Variants in CEP152 observed in about 807,000 individuals in gnomAD.
CEP152 encodes the protein centrosomal protein of 152 kDa.
In CEP152, 132 loss-of-function variants were observed where a neutral mutation model predicts 188.9. The ratio of observed to expected loss-of-function variants is 0.70; its 90% CI spans 0.61 to 0.81. CEP152 has a LOEUF of 0.81. Ranked by LOEUF, CEP152 falls within the 30% of genes least tolerant of loss-of-function variation. CEP152 has a pLI of 0.00. For missense variants in CEP152, 1,914 were observed against 1,969.8 expected, an observed-to-expected ratio of 0.97 and a Z score of 0.54; for synonymous variants, 649 against 666.6, an observed-to-expected ratio of 0.97 and a Z score of 0.41.
chr15:48,788,124 C>T (rs921927961), intron 9 of CEP152, among the ~76,000 whole-genome samples: 4 of 152,182 alleles, frequency 2.6e-5, no homozygotes, highest in Non-Finnish European at 5.9e-5. Context: ...AAGGTAACCT[C>T]TCAAGTTCTA....
At chr15:48,805,302 A>G (rs1897906030) in intron 2 of CEP152, among the ~76,000 whole-genome samples, 1 of 152,052 alleles carries the variant, frequency 6.6e-6, no homozygotes. Context: ...GCCAACCATT[A>G]CCTCCTAAAT....
chr15:48,803,619 TG>T (rs1897808398), intron 2 of CEP152, among the ~76,000 whole-genome samples: 1 of 152,202 alleles, frequency 6.6e-6, no homozygotes, highest in Non-Finnish European at 1.5e-5. Context: ...CTTAGATACT[TG>T]ATCTTTCAAG....
intron 5 of CEP152, 132 bp from the exon 6 acceptor site, chr15:48,796,292 A>G (rs994035370): frequency 1.2e-4 from 11 of 91,580 alleles, no homozygotes; most frequent in African/African-American, 9.0e-4. Flanking sequence ...ATATATATAC[A>G]CACACACACA....
At chr15:48,762,990 A>T (rs1021162674) in intron 17 of CEP152, among the ~76,000 whole-genome samples, 15 of 85,844 alleles carry the variant, frequency 1.7e-4, no homozygotes, top group African/African-American at 1.4e-3. Context: ...GGCAGGATTT[A>T]AAAAAAAAAA....
intron 12 of CEP152, among the ~76,000 whole-genome samples, chr15:48,775,777 G>C (rs775504268): frequency 6.6e-6 from 1 of 152,100 alleles, no homozygotes; most frequent in Non-Finnish European, 1.5e-5. Flanking sequence ...AATAGGCATG[G>C]AGTTTCTTTG....
At chr15:48,739,430 C>T in intron 26 of CEP152, 142 bp from the exon 27 acceptor site, 8 of 1,274,742 alleles carry the variant, frequency 6.3e-6, no homozygotes, top group Non-Finnish European at 8.1e-6. Flanking sequence ...TGCTTATATA[C>T]TGTAATAATT....
chr15:48,736,482 T>C (rs1161691335), downstream of CEP152, among the ~76,000 whole-genome samples: 1 of 152,196 alleles, frequency 6.6e-6, no homozygotes, highest in East Asian at 1.9e-4. Context: ...TCTACAGGGC[T>C]CCTGCCTCCC....
intron 13 of CEP152, 87 bp downstream of exon 13, chr15:48,772,400 C>T (rs886563578): frequency 4.2e-5 from 46 of 1,090,236 alleles, no homozygotes; most frequent in African/African-American, 1.3e-4. Flanking sequence ...GACAGAGTGA[C>T]GCCCTGTCTC....
chr15:48,746,488 A>AG (rs1893438448), intron 22 of CEP152, among the ~76,000 whole-genome samples: 1 of 152,200 alleles, frequency 6.6e-6, no homozygotes, highest in African/African-American at 2.4e-5. Flanking sequence ...CCTCTACTAA[A>AG]GAGCTAAGTA....
chr15:48,782,576 T>C (rs1896325720), intron 10 of CEP152, among the ~76,000 whole-genome samples: 1 of 152,184 alleles, frequency 6.6e-6, no homozygotes, highest in African/African-American at 2.4e-5. Flanking sequence ...AAAAAATTCT[T>C]TGGAACCCAT....
chr15:48,795,925 T>C (rs1400989744), intron 6 of CEP152, 85 bp downstream of exon 6: 1 of 1,256,352 alleles, frequency 8.0e-7, no homozygotes, highest in Admixed American at 1.8e-5. Context: ...AAATAATAAT[T>C]CTTGAATGTG....
intron 20 of CEP152, among the ~76,000 whole-genome samples, chr15:48,754,615 C>T (rs1894124532): frequency 2.0e-5 from 3 of 152,110 alleles, no homozygotes. Context: ...TCGGTAGCAA[C>T]ATCTTTGTGA....
At position 48,738,303 on chromosome 15, in the gene CEP152, C is replaced by G. The variant is rs577873248; in HGVS notation, c.5079G>C (p.Pro1693=). The G allele has an allele frequency of 6.2e-7, 1 of 1,613,868 alleles. No homozygotes were observed. The highest frequency in any genetic ancestry group is 1.7e-5 in the Admixed American group (1 of 60,006). Residue 1693 remains proline, a synonymous_variant, in exon 27 of 27, where the codon CCG becomes CCC. Transcript: ENST00000380950. ...CQQPSRKLIV[P]LSSQQDSGFD... is the part of the protein sequence containing the mutation. ...AGCCACTATCTTGTTGGCTAGATAG[C>G]GGAACAATTAATTTTCTTGAAGGCT...
At chr15:48,790,652 C>T (rs148191745) in intron 8 of CEP152, among the ~76,000 whole-genome samples, 5,338 of 152,196 alleles carry the variant, frequency 0.035, 111 homozygotes, top group Middle Eastern at 0.065. Context: ...CTGCAACCTC[C>T]GCCTCCTGGG....
intron 12 of CEP152, among the ~76,000 whole-genome samples, chr15:48,774,724 C>G (rs896512143): frequency 6.6e-6 from 1 of 152,142 alleles, no homozygotes; most frequent in Non-Finnish European, 1.5e-5. Flanking sequence ...AACACTCATA[C>G]AAATTCACAA....
chr15:48,790,821 GC>G (rs1407778581), intron 8 of CEP152, among the ~76,000 whole-genome samples: 1 of 152,164 alleles, frequency 6.6e-6, no homozygotes. Flanking sequence ...GACCGCCTCG[GC>G]TTCCCAAAGT....
downstream of CEP152, among the ~76,000 whole-genome samples, chr15:48,737,768 G>T (rs994960525): frequency 6.6e-6 from 1 of 152,144 alleles, no homozygotes; most frequent in Non-Finnish European, 1.5e-5. Context: ...GCTAGGAAAA[G>T]TCTATGTAGA....
intron 12 of CEP152, among the ~76,000 whole-genome samples, chr15:48,779,709 T>C (rs893255544): frequency 2.0e-5 from 3 of 152,220 alleles, no homozygotes; most frequent in African/African-American, 7.2e-5. Context: ...ACAATCTGGA[T>C]CTAAAGCCCA....
chr15:48,772,446 C>G, intron 13 of CEP152, 41 bp downstream of exon 13: 1 of 1,540,590 alleles, frequency 6.5e-7, no homozygotes, highest in Non-Finnish European at 8.9e-7. Flanking sequence ...CTTTATTGAG[C>G]CTTTTAAAAA....
Sources: gnomAD v4.1 joint callset for allele counts (sites outside exome capture counted in the v4.1 genomes callset) on GRCh38, gnomAD v4.1.1 for gene constraint, MANE v1.5 for transcripts, NCBI Gene and HGNC (gene_info 2026-07-23, HGNC 2026-07-21) for gene names.